Variants in NBEA observed in about 807,000 individuals in gnomAD.
The protein encoded by NBEA is neurobeachin.
A neutral mutation model predicts 343.4 loss-of-function variants in NBEA; 44 were observed. The ratio of observed to expected loss-of-function variants is 0.13; its 90% CI spans 0.10 to 0.16. The LOEUF (loss-of-function observed/expected upper bound fraction) is 0.16. Among genes scored for constraint, NBEA ranks in the 10% least tolerant of loss-of-function variants. The probability of loss-of-function intolerance (pLI) is 1.00; values close to 1 mark genes in which losing one functional copy is unlikely to be tolerated. For synonymous variants in NBEA, 1,175 were observed against 1,238.7 expected (o/e 0.95, Z 1.08); for missense variants, 2,555 against 3,631.3 (o/e 0.70, Z 7.62).
At chr13:35,425,607 A>C (rs1384009078) in intron 38 of NBEA, among the ~76,000 whole-genome samples, 1 of 152,178 alleles carries the variant, frequency 6.6e-6, no homozygotes, top group African/African-American at 2.4e-5. Flanking sequence ...GTGGTGCTGA[A>C]AAGAATGTAT....
At chr13:35,277,922 A>C (rs2034742459) in intron 34 of NBEA, among the ~76,000 whole-genome samples, 1 of 151,406 alleles carries the variant, frequency 6.6e-6, no homozygotes, top group South Asian at 2.1e-4. Context: ...CCCCATCTCT[A>C]CTAAAAAATA....
intron 1 of NBEA, among the ~76,000 whole-genome samples, chr13:34,992,264 T>A (rs12872665): frequency 0.028 from 1,955 of 70,504 alleles, 10 homozygotes; most frequent in Non-Finnish European, 0.045. Context: ...ATATATATAT[T>A]TTTTTTTTTA....
intron 1 of NBEA, among the ~76,000 whole-genome samples, chr13:34,985,879 A>G (rs2060525829): frequency 1.3e-5 from 2 of 150,520 alleles, no homozygotes; most frequent in African/African-American, 4.9e-5. Context: ...ATCAGTGGTG[A>G]TATCCCCTTT....
intron 38 of NBEA, among the ~76,000 whole-genome samples, chr13:35,372,785 G>T (rs1253081062): frequency 6.6e-6 from 1 of 152,088 alleles, no homozygotes; most frequent in African/African-American, 2.4e-5. Flanking sequence ...TCTGTTGGCA[G>T]CAGCCAACAG....
chr13:35,162,607 T>C (rs1360379597), intron 23 of NBEA, among the ~76,000 whole-genome samples: 1 of 151,980 alleles, frequency 6.6e-6, no homozygotes, highest in Non-Finnish European at 1.5e-5. Context: ...CTTTTTCTTC[T>C]CCTCTTTTCT....
At chr13:35,266,783 A>G (rs1212936296) in intron 34 of NBEA, among the ~76,000 whole-genome samples, 3 of 151,882 alleles carry the variant, frequency 2.0e-5, no homozygotes, top group East Asian at 1.9e-4. Context: ...CCTGGTGACT[A>G]TTGTTAACAA....
chr13:35,639,096 T>C (rs1397472400), intron 49 of NBEA, among the ~76,000 whole-genome samples: 1 of 152,206 alleles, frequency 6.6e-6, no homozygotes, highest in Non-Finnish European at 1.5e-5. Context: ...TACCAAATAT[T>C]TGCTTAAATA....
At position 35,550,471 on chromosome 13, in the gene NBEA, T is replaced by C. The variant is rs779652472; in HGVS notation, c.6586-6T>C. On this transcript the variant is annotated splice_polypyrimidine_tract_variant and splice_region_variant and intron_variant, in intron 41 of 58. Transcript: ENST00000379939. ...TTGACACTTCCCTTTAAACTGTTTA[T>C]TTTAGGTTCTTGCATACACTGAGGG... The C allele has an allele frequency of 4.5e-6, 7 of 1,568,960 alleles. No homozygotes were observed. The highest frequency in any genetic ancestry group is 1.4e-5 in the African/African-American group (1 of 74,014).
At chr13:35,466,119 A>G (rs2075376716) in intron 40 of NBEA, among the ~76,000 whole-genome samples, 2 of 152,154 alleles carry the variant, frequency 1.3e-5, no homozygotes, top group Non-Finnish European at 2.9e-5. Flanking sequence ...TTTCAGATGT[A>G]GGTTTACTCT....
At chr13:35,445,803 T>C (rs990152876) in intron 39 of NBEA, among the ~76,000 whole-genome samples, 3 of 85,034 alleles carry the variant, frequency 3.5e-5, no homozygotes, top group Non-Finnish European at 7.2e-5. Flanking sequence ...TATATATATA[T>C]ATATATATAT....
At chr13:34,977,810 T>G (rs977592383) in intron 1 of NBEA, among the ~76,000 whole-genome samples, 1 of 139,920 alleles carries the variant, frequency 7.1e-6, no homozygotes, top group African/African-American at 2.5e-5. Context: ...GGATACACTT[T>G]TAATTTAAAG....
chr13:35,326,619 G>A (rs1202192486), intron 36 of NBEA, among the ~76,000 whole-genome samples: 2 of 151,860 alleles, frequency 1.3e-5, no homozygotes, highest in South Asian at 2.1e-4. Flanking sequence ...CTATTTTGGT[G>A]CCTTTTATTT....
At chr13:35,032,098 C>G (rs747622033) in intron 1 of NBEA, among the ~76,000 whole-genome samples, 1 of 151,724 alleles carries the variant, frequency 6.6e-6, no homozygotes, top group Non-Finnish European at 1.5e-5. Flanking sequence ...GTTAATAGTA[C>G]TACAGTGAAC....
At chr13:35,538,427 C>T (rs982956975) in intron 41 of NBEA, among the ~76,000 whole-genome samples, 8 of 152,136 alleles carry the variant, frequency 5.3e-5, no homozygotes, top group African/African-American at 1.4e-4. Context: ...TGAATTTATA[C>T]GCTACTGATA....
chr13:35,397,307 G>C (rs1275530162), intron 38 of NBEA, among the ~76,000 whole-genome samples: 2 of 152,088 alleles, frequency 1.3e-5, no homozygotes, highest in African/African-American at 4.8e-5. Flanking sequence ...TAATCTTTGG[G>C]TGGCTGGATC....
At chr13:34,957,967 A>G (rs992491581) in intron 1 of NBEA, among the ~76,000 whole-genome samples, 7 of 152,098 alleles carry the variant, frequency 4.6e-5, no homozygotes, top group Non-Finnish European at 5.9e-5. Context: ...GTGAGCGCTT[A>G]TAATGTGGCT....
intron 40 of NBEA, among the ~76,000 whole-genome samples, chr13:35,454,391 A>G (rs532655382): frequency 3.9e-5 from 6 of 152,362 alleles, no homozygotes; most frequent in East Asian, 3.9e-4. Flanking sequence ...GATTACATCA[A>G]TACGTAACTG....
intron 40 of NBEA, among the ~76,000 whole-genome samples, chr13:35,461,021 A>G (rs1176079151): frequency 6.6e-6 from 1 of 152,030 alleles, no homozygotes; most frequent in African/African-American, 2.4e-5. Context: ...CACCAGTTCT[A>G]CTCCCATGAT....
intron 1 of NBEA, among the ~76,000 whole-genome samples, chr13:34,997,902 A>G (rs2060992860): frequency 6.6e-6 from 1 of 152,188 alleles, no homozygotes; most frequent in Non-Finnish European, 1.5e-5. Context: ...AGACCTTATT[A>G]TAATCAAACC....
Sources: gnomAD v4.1 joint callset for allele counts (sites outside exome capture counted in the v4.1 genomes callset) on GRCh38, gnomAD v4.1.1 for gene constraint, MANE v1.5 for transcripts, NCBI Gene and HGNC (gene_info 2026-07-23, HGNC 2026-07-21) for gene names.